The following ALKAL2 variants were observed in gnomAD, a reference collection of about 807,000 sequenced individuals.
ALKAL2 encodes the protein AUG-alpha.
In ALKAL2, 8 loss-of-function variants were observed where a neutral mutation model predicts 18.5. The observed-to-expected ratio is 0.43, with a 90% CI of 0.25 to 0.78. The LOEUF (loss-of-function observed/expected upper bound fraction) is 0.78, where lower values mean the gene tolerates loss of function less well. Among genes scored for constraint, ALKAL2 ranks in the 30% least tolerant of loss-of-function variants. ALKAL2 has a pLI of 0.22. For missense variants in ALKAL2, 241 were observed against 211.2 expected (o/e 1.14, Z -0.88); for synonymous variants, 135 against 95.8 (o/e 1.41, Z -2.39).
intron 5 of ALKAL2, among the ~76,000 whole-genome samples, chr2:281,791 TAA>T (rs60094437): frequency 1.5e-5 from 2 of 136,796 alleles, no homozygotes; most frequent in African/African-American, 5.4e-5. Context: ...AAGAAATACC[TAA>T]AAAAAAAAAA....
At chr2:287,390 C>G in intron 2 of ALKAL2, 193 bp downstream of exon 2, 1 of 434,974 alleles carries the variant, frequency 2.3e-6, no homozygotes, top group Non-Finnish European at 3.8e-6. Context: ...CAGAAGGAGA[C>G]CAGGCGCTTC....
In ALKAL2 at chr2:285,591, A is replaced by G. The variant is rs1419815719; in HGVS notation, c.388+532T>C. Among the ~76,000 whole-genome samples, 5 of 152,242 alleles carry G rather than the reference A, an allele frequency of 3.3e-5. No homozygotes were observed. In the South Asian group the frequency reaches 8.3e-4, roughly 25 times the overall value. Reference sequence around the variant, plus strand: ...CAGGTTAGGAAGACTGAAAAGAAACAGGAGAGAAAGCTACTGCTGAGAGCT... The same window carrying G: ...CAGGTTAGGAAGACTGAAAAGAAACGGGAGAGAAAGCTACTGCTGAGAGCT... On this transcript the variant is annotated intron_variant, in intron 4 of 5. Coordinates refer to ENST00000403610, the MANE Select transcript of ALKAL2 (RefSeq NM_001002919.3).
At chr2:282,924 C>T (rs1267772179) in intron 5 of ALKAL2, among the ~76,000 whole-genome samples, 187 bp downstream of exon 5, 1 of 152,182 alleles carries the variant, frequency 6.6e-6, no homozygotes, top group Admixed American at 6.5e-5. Flanking sequence ...CAACAGCTGC[C>T]GGGGCCCTGT....
chr2:283,071 T>A (rs1464129556), intron 5 of ALKAL2, 40 bp downstream of exon 5: 1 of 1,573,292 alleles, frequency 6.4e-7, no homozygotes, highest in African/African-American at 1.4e-5. Context: ...GGGATTCCCA[T>A]CTTTGGTATG....
At chr2:285,105 G>A (rs1344190331) in intron 4 of ALKAL2, among the ~76,000 whole-genome samples, 1 of 152,236 alleles carries the variant, frequency 6.6e-6, no homozygotes, top group Non-Finnish European at 1.5e-5. Context: ...GTGCGGTGAT[G>A]TGAATGCTAA....
chr2:287,550 C>A, intron 2 of ALKAL2, 33 bp downstream of exon 2: 1 of 1,350,368 alleles, frequency 7.4e-7, no homozygotes, highest in African/African-American at 1.5e-5. Flanking sequence ...TTCCCAGCAG[C>A]CCCGGCCCTC....
chr2:288,007 C>G lies in ALKAL2; in HGVS notation c.-58+6G>C. On this transcript the variant is annotated splice_donor_region_variant and intron_variant, in intron 1 of 5. Transcript: ENST00000403610. ...GGAGCCGCTGGCGCTGGACCCGGCC[C>G]CTCACCTCCGCGGACCCCGAGGAAC... 1 of 1,229,426 alleles carries G rather than the reference C, an allele frequency of 8.1e-7. No homozygotes were observed. The highest frequency in any genetic ancestry group is 3.4e-5 in the East Asian group (1 of 29,496). 76.2% of individuals were successfully genotyped at this position (1,229,426 alleles called of 1,614,324 possible).
chr2:280,796 T>A (rs1011382793), intron 5 of ALKAL2, among the ~76,000 whole-genome samples: 1 of 152,070 alleles, frequency 6.6e-6, no homozygotes, highest in Non-Finnish European at 1.5e-5. Context: ...CCTGAGGAGG[T>A]CTATTAATGA....
chr2:283,666 C>T (rs1281615801), intron 4 of ALKAL2: 6 of 866,780 alleles, frequency 6.9e-6, no homozygotes, highest in African/African-American at 1.8e-5. Flanking sequence ...AAGCAATGTG[C>T]CCGTTTCTAA....
At chr2:285,957 G>C (rs750795773) in intron 4 of ALKAL2, 166 bp downstream of exon 4, 20 of 598,084 alleles carry the variant, frequency 3.3e-5, no homozygotes, top group Middle Eastern at 4.5e-4. Flanking sequence ...GCAGAAGTTA[G>C]TTATCTTCTG....
At chr2:285,973 G>C in intron 4 of ALKAL2, 150 bp downstream of exon 4, 1 of 630,692 alleles carries the variant, frequency 1.6e-6, no homozygotes, top group Admixed American at 3.2e-5. Context: ...TTCTGCAATG[G>C]TCTGGCGATC....
intron 4 of ALKAL2, chr2:283,408 G>A: frequency 1.0e-6 from 1 of 985,432 alleles, no homozygotes; most frequent in Non-Finnish European, 1.2e-6. Context: ...AAGTGGGGCA[G>A]CGGAGGGAAG....
rs961631588 is a variant in ALKAL2, at chr2:287,916, G to T, written c.-57-24C>A. 4 of 1,242,660 alleles carry T rather than the reference G, an allele frequency of 3.2e-6. No individual in the cohort carries two copies. In the African/African-American group the frequency reaches 4.7e-5, roughly 15 times the overall value. 77.0% of individuals were successfully genotyped at this position (1,242,660 alleles called of 1,614,324 possible). A position where few individuals can be genotyped will look rare whatever the true frequency, so the allele number is the denominator to read the frequency against. On this transcript the variant is annotated intron_variant, in intron 1 of 5. Coordinates refer to ENST00000403610, the MANE Select transcript of ALKAL2 (RefSeq NM_001002919.3). ...CGCTGCGAGAGAAGGGGCGCGGGGGGCCGGAGAGAAAGTCAGCGGGGGAGG... is the reference window on the plus strand; with the variant it reads ...CGCTGCGAGAGAAGGGGCGCGGGGGTCCGGAGAGAAAGTCAGCGGGGGAGG...
chr2:284,953 G>T (rs559547865), intron 4 of ALKAL2, among the ~76,000 whole-genome samples: 90 of 152,320 alleles, frequency 5.9e-4, no homozygotes, highest in African/African-American at 2.1e-3. Context: ...GAGTACTAGT[G>T]TGCCAGGTGC....
At chr2:287,958 C>G (rs922690456) in intron 1 of ALKAL2, 55 bp downstream of exon 1, 59 of 396,934 alleles carry the variant, frequency 1.5e-4, no homozygotes, top group Middle Eastern at 1.2e-3. Context: ...GAGCGCGGGG[C>G]GGGGGAGGGG....
Position 279,644 on chromosome 2 carries a change from A to G in ALKAL2, c.*503T>C, listed in dbSNP as rs935976734. 4 of 156,338 alleles carry G rather than the reference A, an allele frequency of 2.6e-5. No individual in the cohort carries two copies. Among genetic ancestry groups the G allele is most frequent in the Admixed American group, 6.3e-5 (1 of 15,938 alleles). 9.7% of individuals were successfully genotyped at this position (156,338 alleles called of 1,614,324 possible). On this transcript the variant is annotated 3_prime_UTR_variant, in exon 6 of 6. Coordinates refer to ENST00000403610, the MANE Select transcript of ALKAL2 (RefSeq NM_001002919.3). Reference sequence around the variant, plus strand: ...ATAGCTGGAATACTATTTTACATTTATAATACAAACGACCAACAGAATTAG... The same window carrying G: ...ATAGCTGGAATACTATTTTACATTTGTAATACAAACGACCAACAGAATTAG...
Position 288,033 on chromosome 2 carries a change from A to G in ALKAL2, c.-78T>C. The stretch of plus-strand genomic sequence containing the variant: ...CTCACCTCCGCGGACCCCGAGGAAC[A>G]AGCCGGCAGGTGAGGGAGCCGCGGT... On this transcript the variant is annotated 5_prime_UTR_variant, in exon 1 of 6. Transcript: ENST00000403610. 1 of 1,219,584 alleles carries G rather than the reference A, an allele frequency of 8.2e-7. No homozygotes were observed. The highest frequency in any genetic ancestry group is 3.4e-5 in the East Asian group (1 of 29,126). The allele number at this position is 1,219,584 out of a possible 1,614,324, so 75.5% of individuals were successfully genotyped here.
At chr2:286,724 C>T (rs1199008463) in intron 2 of ALKAL2, 3 of 166,748 alleles carry the variant, frequency 1.8e-5, no homozygotes, top group South Asian at 1.9e-4. Context: ...TCAAATCCCA[C>T]AACATTTCAA....
At chr2:286,011 G>T in intron 4 of ALKAL2, 112 bp downstream of exon 4, 1 of 901,806 alleles carries the variant, frequency 1.1e-6, no homozygotes, top group Non-Finnish European at 1.7e-6. Context: ...AGTGAGGAAG[G>T]AATAGGCAAA....
Sources: allele counts gnomAD v4.1 joint callset (sites outside exome capture counted in the v4.1 genomes callset), GRCh38; gene constraint gnomAD v4.1.1; transcripts MANE v1.5; gene names NCBI Gene and HGNC (gene_info 2026-07-23, HGNC 2026-07-21).